Variants in CABIN1 observed in about 807,000 individuals in gnomAD.
CABIN1 encodes the protein calcineurin binding protein 1.
A neutral mutation model predicts 227.7 loss-of-function variants in CABIN1; 133 were observed. The observed-to-expected ratio is 0.58, with a 90% CI of 0.51 to 0.67. CABIN1 has a LOEUF of 0.67. CABIN1 is among the 30% of genes least tolerant of loss of function. CABIN1 has a pLI of 0.00. For synonymous variants in CABIN1, 1,086 were observed against 1,155.1 expected, an observed-to-expected ratio of 0.94 and a Z score of 1.21; for missense variants, 2,408 against 2,852.5, an observed-to-expected ratio of 0.84 and a Z score of 3.55.
In CABIN1 at chr22:24,175,996, AC is replaced by A; in HGVS notation, c.6041-114del. ...CAGCCAGGACCCCAGCATTGGCCAC[AC>A]TCCCCTGCCCAGTGTCCCAGGGCAC... On this transcript the variant is annotated intron_variant, in intron 34 of 36. Coordinates refer to ENST00000263119, the MANE Select transcript of CABIN1 (RefSeq NM_012295.4). The A allele has an allele frequency of 3.2e-6, 4 of 1,249,854 alleles. No homozygotes were observed. In the East Asian group the frequency reaches 1.0e-4, roughly 32 times the overall value. The allele number at this position is 1,249,854 out of a possible 1,614,324, so 77.4% of individuals were successfully genotyped here. A position where few individuals can be genotyped will look rare whatever the true frequency, so the allele number is the denominator to read the frequency against.
At chr22:24,017,835 G>A (rs747205733) in intron 1 of CABIN1, among the ~76,000 whole-genome samples, 3 of 150,256 alleles carry the variant, frequency 2.0e-5, no homozygotes, top group Non-Finnish European at 4.4e-5. Context: ...GCCACCTTTC[G>A]ACTATTGTAA....
intron 33 of CABIN1, among the ~76,000 whole-genome samples, chr22:24,169,284 G>C (rs1200470611): frequency 2.6e-5 from 4 of 152,114 alleles, no homozygotes; most frequent in Admixed American, 2.0e-4. Context: ...ATTTGAGTAG[G>C]TGCAGTCTTT....
In CABIN1 at chr22:24,165,574, C is replaced by T; in HGVS notation, c.4955C>T (p.Ala1652Val). 1 of 1,613,218 alleles carries T rather than the reference C, an allele frequency of 6.2e-7. No individual in the cohort carries two copies. The highest frequency in any genetic ancestry group is 8.5e-7 in the Non-Finnish European group (1 of 1,179,996). ...GACCGCCAGGTCCTGGCGCAGCGGG[C>T]CTTCATCCTCACTGTGAAGGTGCTC... ...DADRQVLAQR[A>V]FILTVKVLED... The change falls in exon 31 of 37, where the codon GCC (alanine) becomes GTC (valine). Residue 1652 changes from alanine (A) to valine (V), a missense_variant. Physicochemically the swap from Ala to Val is moderately conservative, Grantham distance 64. Around this residue, in one of 3 missense-constraint regions of CABIN1, gnomAD observed 714 missense variants for 773.8 expected, o/e 0.92. Transcript: ENST00000263119.
chr22:24,127,114 G>C (rs1043083647), intron 28 of CABIN1, among the ~76,000 whole-genome samples: 1 of 152,122 alleles, frequency 6.6e-6, no homozygotes, highest in Non-Finnish European at 1.5e-5. Context: ...GATATGTAAA[G>C]AGTGAGTTGG....
intron 1 of CABIN1, among the ~76,000 whole-genome samples, chr22:24,027,942 T>G (rs2036218059): frequency 6.7e-6 from 1 of 148,598 alleles, no homozygotes; most frequent in Admixed American, 6.7e-5. Flanking sequence ...ACTGGCAGGT[T>G]TTTTTTTTTT....
chr22:24,107,679 CA>C (rs1438664417), intron 26 of CABIN1, among the ~76,000 whole-genome samples: 1 of 152,192 alleles, frequency 6.6e-6, no homozygotes, highest in Non-Finnish European at 1.5e-5. Context: ...AGGGTGTTAG[CA>C]CTTTGAGAGT....
Position 24,061,337 on chromosome 22 carries a change from G to A in CABIN1, c.1618-610G>A, listed in dbSNP as rs138175105. Among the ~76,000 whole-genome samples the A allele has an allele frequency of 7.1e-3, 1,075 of 152,334 alleles. 13 individuals carry two copies. The highest frequency in any genetic ancestry group is 0.025 in the African/African-American group (1,034 of 41,558). On this transcript the variant is annotated intron_variant, in intron 12 of 36. Transcript: ENST00000263119. ...CCAGGAACATTCAGGGATGCCTGGT[G>A]GTCTTTCTGACTTGAGAGCACAGGA...
At chr22:24,072,036 A>G (rs1216125812) in intron 17 of CABIN1, among the ~76,000 whole-genome samples, 1 of 152,080 alleles carries the variant, frequency 6.6e-6, no homozygotes, top group Non-Finnish European at 1.5e-5. Flanking sequence ...GCACTTGTGT[A>G]GCTTGTCCAT....
At chr22:24,171,089 G>A (rs1387538989) in intron 33 of CABIN1, among the ~76,000 whole-genome samples, 1 of 152,234 alleles carries the variant, frequency 6.6e-6, no homozygotes, top group Non-Finnish European at 1.5e-5. Context: ...TGTGGATGAA[G>A]ACTCGGAGGC....
intron 28 of CABIN1, among the ~76,000 whole-genome samples, chr22:24,131,579 C>G (rs1456518141): frequency 6.6e-6 from 1 of 152,238 alleles, no homozygotes; most frequent in Non-Finnish European, 1.5e-5. Flanking sequence ...ACCTCCTTGG[C>G]TAGGCCCTGA....
intron 28 of CABIN1, 33 bp downstream of exon 28, chr22:24,119,731 C>A (rs763859644): frequency 2.5e-6 from 4 of 1,589,342 alleles, no homozygotes; most frequent in Non-Finnish European, 3.5e-6. Context: ...GGGCTTGGAT[C>A]TTCCCAGGGC....
intron 28 of CABIN1, among the ~76,000 whole-genome samples, chr22:24,129,413 C>T (rs1273544637): frequency 1.3e-5 from 2 of 152,144 alleles, no homozygotes; most frequent in East Asian, 3.9e-4. Flanking sequence ...TTAGCTGGCC[C>T]CAGGGAGCAT....
chr22:24,101,390 T>G lies in CABIN1; in HGVS notation c.4117+3198T>G, dbSNP rs538801685. ...CTCTGAACCACCCTCACCTGCAACC[T>G]TGTGTCACCTGCATTAGGGTGGGGA... On this transcript the variant is annotated intron_variant, in intron 26 of 36. Coordinates refer to ENST00000263119, the MANE Select transcript of CABIN1 (RefSeq NM_012295.4). Among the ~76,000 whole-genome samples the G allele has an allele frequency of 2.1e-3, 314 of 152,352 alleles. 2 individuals carry two copies. Among genetic ancestry groups the G allele is most frequent in the African/African-American group, 7.3e-3 (305 of 41,586 alleles).
rs375776427 is a variant in CABIN1, at chr22:24,049,084, C to G, written c.527-7C>G. 1 of 1,613,814 alleles carries G rather than the reference C, an allele frequency of 6.2e-7. No individual in the cohort carries two copies. The highest frequency in any genetic ancestry group is 1.3e-5 in the African/African-American group (1 of 75,046). On this transcript the variant is annotated splice_polypyrimidine_tract_variant and splice_region_variant and intron_variant, in intron 6 of 36. Transcript: ENST00000263119. ...CAGAAGTCATAAACTGTCTCTTTCC[C>G]CGCCAGCATGTCTGTACTTCATCTG...
At chr22:24,047,170 G>T (rs146321523) in intron 6 of CABIN1, among the ~76,000 whole-genome samples, 1 of 152,270 alleles carries the variant, frequency 6.6e-6, no homozygotes, top group Non-Finnish European at 1.5e-5. Context: ...TCATAACAGG[G>T]ACTGAACTGA....
At chr22:24,165,947 A>G (rs79704622) in intron 31 of CABIN1, among the ~76,000 whole-genome samples, 2,407 of 152,300 alleles carry the variant, frequency 0.016, 24 homozygotes, top group Non-Finnish European at 0.024. Context: ...ACCAAGGCCT[A>G]TGAGAACACC....
chr22:24,115,556 G>T (rs571346370), intron 27 of CABIN1, among the ~76,000 whole-genome samples: 38 of 152,196 alleles, frequency 2.5e-4, no homozygotes, highest in South Asian at 2.1e-4. Flanking sequence ...GTAAGAGCAG[G>T]TATGGCAGGG....
At chr22:24,039,286 T>C (rs138040959) in intron 4 of CABIN1, among the ~76,000 whole-genome samples, 1 of 152,330 alleles carries the variant, frequency 6.6e-6, no homozygotes, top group African/African-American at 2.4e-5. Flanking sequence ...GTGCTAGGCA[T>C]GCAGACACTT....
chr22:24,033,754 G>C (rs2036667302), intron 1 of CABIN1, among the ~76,000 whole-genome samples: 1 of 152,210 alleles, frequency 6.6e-6, no homozygotes, highest in Admixed American at 6.5e-5. Context: ...TTAAAAATAA[G>C]AGCTTTGTAA....
Sources: allele counts gnomAD v4.1 joint callset (sites outside exome capture counted in the v4.1 genomes callset), GRCh38; gene constraint gnomAD v4.1.1; regional missense constraint gnomAD v4.1.1; transcripts MANE v1.5; gene names NCBI Gene and HGNC (gene_info 2026-07-23, HGNC 2026-07-21).